FBXL7: variants seen among roughly 807,000 people sequenced by gnomAD.
The protein encoded by FBXL7 is F-box and leucine rich repeat protein 7, also known as F-box/LRR-repeat protein 7.
Under a neutral mutation model 38.3 loss-of-function variants are expected in FBXL7, and 12 were observed. That is an observed-to-expected ratio of 0.31 (90% CI 0.20 to 0.51). The LOEUF is 0.51. FBXL7 is among the 20% of genes least tolerant of loss of function. The probability of loss-of-function intolerance (pLI) is 0.98; values close to 1 mark genes in which losing one functional copy is unlikely to be tolerated. For missense variants in FBXL7, 567 were observed against 676.4 expected (o/e 0.84, Z 1.79); for synonymous variants, 297 against 300.9 (o/e 0.99, Z 0.13).
intron 2 of FBXL7, among the ~76,000 whole-genome samples, chr5:15,812,763 G>A (rs1028995670): frequency 2.6e-5 from 4 of 152,178 alleles, no homozygotes; most frequent in Non-Finnish European, 5.9e-5. Flanking sequence ...CTATCCATGA[G>A]CATGGAATGT....
chr5:15,588,996 C>T (rs982786321), intron 1 of FBXL7, among the ~76,000 whole-genome samples: 5 of 152,126 alleles, frequency 3.3e-5, no homozygotes, highest in Non-Finnish European at 5.9e-5. Context: ...ATCACAGAAG[C>T]CCTTTTCCTG....
At chr5:15,754,820 A>G (rs1477864805) in intron 2 of FBXL7, among the ~76,000 whole-genome samples, 2 of 152,152 alleles carry the variant, frequency 1.3e-5, no homozygotes, top group Admixed American at 6.6e-5. Context: ...GATTCTGGAA[A>G]TCATTAAATC....
chr5:15,707,887 C>A (rs543345038), intron 2 of FBXL7, among the ~76,000 whole-genome samples: 5 of 152,222 alleles, frequency 3.3e-5, no homozygotes, highest in East Asian at 1.9e-4. Context: ...GAGATTTGTT[C>A]CTCTCTGTAT....
chr5:15,545,213 C>T lies in FBXL7; in HGVS notation c.37+44500C>T, dbSNP rs572008555. Among the ~76,000 whole-genome samples, 4 of 152,340 alleles carry T rather than the reference C, an allele frequency of 2.6e-5. No individual in the cohort carries two copies. In the South Asian group the frequency reaches 8.3e-4, roughly 32 times the overall value. ...TATTTTTTATCATTGGAATTCACAT[C>T]CCAGATCTATCTGGTACCAATTCAG... On this transcript the variant is annotated intron_variant, in intron 1 of 3. Coordinates refer to ENST00000504595, the MANE Select transcript of FBXL7 (RefSeq NM_012304.5).
At chr5:15,605,526 G>C (rs549721650) in intron 1 of FBXL7, among the ~76,000 whole-genome samples, 3 of 152,252 alleles carry the variant, frequency 2.0e-5, no homozygotes, top group South Asian at 2.1e-4. Flanking sequence ...GAAATATCTA[G>C]AACAGGCAAA....
chr5:15,866,845 TC>T (rs1250890318), intron 2 of FBXL7, among the ~76,000 whole-genome samples: 2 of 152,286 alleles, frequency 1.3e-5, no homozygotes, highest in South Asian at 4.1e-4. Context: ...ACAATTTCAT[TC>T]CTTTTTATGG....
chr5:15,867,211 C>A (rs1382437003), intron 2 of FBXL7, among the ~76,000 whole-genome samples: 1 of 152,180 alleles, frequency 6.6e-6, no homozygotes, highest in Non-Finnish European at 1.5e-5. Flanking sequence ...TTCCCTAAAG[C>A]AGGTGGCTTT....
chr5:15,844,266 C>T lies in FBXL7; in HGVS notation c.128-83624C>T, dbSNP rs769955749. 3.3e-5 allele frequency among the ~76,000 whole-genome samples: 5 copies of T among 152,278 alleles called. No individual in the cohort carries two copies. The East Asian group carries it at 9.6e-4, about 29-fold the overall frequency. ...AAGTGCCAGGGAAGGGGAAGTATTA[C>T]CTCCACTGCTTACATCGGAGGTCTG... On this transcript the variant is annotated intron_variant, in intron 2 of 3. Coordinates refer to ENST00000504595, the MANE Select transcript of FBXL7 (RefSeq NM_012304.5).
At chr5:15,724,386 G>C (rs957176619) in intron 2 of FBXL7, among the ~76,000 whole-genome samples, 8 of 152,114 alleles carry the variant, frequency 5.3e-5, no homozygotes, top group African/African-American at 1.9e-4. Flanking sequence ...AATTTTGTAT[G>C]TATAGCATGA....
At chr5:15,816,849 A>T (rs1414306384) in intron 2 of FBXL7, among the ~76,000 whole-genome samples, 3 of 152,196 alleles carry the variant, frequency 2.0e-5, no homozygotes, top group African/African-American at 7.2e-5. Context: ...GAGTAAATTA[A>T]TCATATTAAG....
intron 2 of FBXL7, among the ~76,000 whole-genome samples, chr5:15,782,856 G>A (rs2126722787): frequency 6.6e-6 from 1 of 152,264 alleles, no homozygotes; most frequent in East Asian, 1.9e-4. Flanking sequence ...GATGTTTGAG[G>A]AGAAAGGGCA....
chr5:15,684,097 A>G (rs1427221996), intron 2 of FBXL7, among the ~76,000 whole-genome samples: 4 of 152,186 alleles, frequency 2.6e-5, no homozygotes, highest in Non-Finnish European at 4.4e-5. Flanking sequence ...CCATTAGTGC[A>G]TCTACCCACC....
At chr5:15,811,641 CGA>C (rs1265766167) in intron 2 of FBXL7, among the ~76,000 whole-genome samples, 1 of 151,480 alleles carries the variant, frequency 6.6e-6, no homozygotes, top group East Asian at 1.9e-4. Flanking sequence ...AACAAATTTA[CGA>C]GAAAAAAAAT....
chr5:15,654,332 G>A lies in FBXL7; in HGVS notation c.127+38260G>A, dbSNP rs760025586. 1.9e-4 allele frequency among the ~76,000 whole-genome samples: 29 copies of A among 151,614 alleles called. 1 individual carries two copies. The highest frequency in any genetic ancestry group is 4.3e-4 in the Non-Finnish European group (29 of 67,958). On this transcript the variant is annotated intron_variant, in intron 2 of 3. Transcript: ENST00000504595. Reference sequence around the variant, plus strand: ...TTTATATAATTGAGAAAGAAGCCAGGGAATGCATTTGTGCAAGGATGATTT... The same window carrying A: ...TTTATATAATTGAGAAAGAAGCCAGAGAATGCATTTGTGCAAGGATGATTT...
intron 2 of FBXL7, among the ~76,000 whole-genome samples, chr5:15,660,539 G>A (rs1194825163): frequency 6.6e-6 from 1 of 151,978 alleles, no homozygotes; most frequent in African/African-American, 2.4e-5. Context: ...TATTTTTTTG[G>A]TAGAGACGGG....
chr5:15,568,716 G>A (rs1261701539), intron 1 of FBXL7, among the ~76,000 whole-genome samples: 1 of 152,072 alleles, frequency 6.6e-6, no homozygotes, highest in Non-Finnish European at 1.5e-5. Context: ...GGTTTTTATG[G>A]TTTCAGGTCT....
Position 15,720,486 on chromosome 5 carries a change from T to A in FBXL7, c.127+104414T>A, listed in dbSNP as rs1242552001. On this transcript the variant is annotated intron_variant, in intron 2 of 3. Transcript: ENST00000504595. ...CCTGATTACCTGATTCACTTTATTATAAGCCCTTGGAAGCATGCATACTGG... is the reference window on the plus strand; with the variant it reads ...CCTGATTACCTGATTCACTTTATTAAAAGCCCTTGGAAGCATGCATACTGG... 2.0e-5 allele frequency among the ~76,000 whole-genome samples: 3 copies of A among 148,820 alleles called. 1 individual carries two copies. The highest frequency in any genetic ancestry group is 7.4e-5 in the African/African-American group (3 of 40,810).
intron 1 of FBXL7, among the ~76,000 whole-genome samples, chr5:15,589,305 G>A (rs1171776787): frequency 6.6e-6 from 1 of 152,056 alleles, no homozygotes; most frequent in Non-Finnish European, 1.5e-5. Context: ...GGAGACTTGT[G>A]GGGGATGATT....
chr5:15,937,266 C>G lies in FBXL7; in HGVS notation c.*80C>G. On this transcript the variant is annotated 3_prime_UTR_variant, in exon 4 of 4. Transcript: ENST00000504595. ...TTTTAAAAGCAGCGTATGTAAGCACCGACACCCACTCAAAACAGCTCTTTC... is the reference window on the plus strand; with the variant it reads ...TTTTAAAAGCAGCGTATGTAAGCACGGACACCCACTCAAAACAGCTCTTTC... The G allele has an allele frequency of 7.1e-7, 1 of 1,415,322 alleles. No homozygotes were observed. The highest frequency in any genetic ancestry group is 1.5e-5 in the South Asian group (1 of 67,308). The allele number at this position is 1,415,322 out of a possible 1,614,324, so 87.7% of individuals were successfully genotyped here.
Sources: gnomAD v4.1 joint callset for allele counts (sites outside exome capture counted in the v4.1 genomes callset) on GRCh38, gnomAD v4.1.1 for gene constraint, MANE v1.5 for transcripts, NCBI Gene and HGNC (gene_info 2026-07-23, HGNC 2026-07-21) for gene names.